ZMIZ1: variants seen among roughly 807,000 people sequenced by gnomAD.
ZMIZ1 encodes zinc finger MIZ-type containing 1.
ZMIZ1 carries 17 observed loss-of-function variants against 113.9 expected under a neutral mutation model. The observed-to-expected ratio is 0.15, with a 90% CI of 0.10 to 0.22. The LOEUF is 0.22. Among genes scored for constraint, ZMIZ1 ranks in the 10% least tolerant of loss-of-function variants. ZMIZ1 has a pLI of 1.00. For missense variants in ZMIZ1, 1,059 were observed against 1,477.8 expected (o/e 0.72, Z 4.65); for synonymous variants, 607 against 603.1 (o/e 1.01, Z -0.09).
At chr10:79,071,562 C>A (rs1842288166) in intron 1 of ZMIZ1, among the ~76,000 whole-genome samples, 1 of 152,138 alleles carries the variant, frequency 6.6e-6, no homozygotes, top group South Asian at 2.1e-4. Context: ...TCTTTCTTAG[C>A]CTTCTCAGCC....
At position 79,277,250 on chromosome 10, in the gene ZMIZ1, G is replaced by T. The variant is rs1376829170; in HGVS notation, c.350G>T (p.Ser117Ile). Reference protein sequence around the residue: ...LLLRHQKSRQSDPPGKLPMQP... With the variant: ...LLLRHQKSRQIDPPGKLPMQP... ...CTCCGACATCAGAAGAGCCGCCAGA[G>T]CGATCCCCCTGGGAAACTCCCCATG... Residue 117 changes from serine (S) to isoleucine (I), a missense_variant, in exon 8 of 25, where the codon AGC becomes ATC. Physicochemically the swap from Ser to Ile is moderately radical, Grantham distance 142 (BLOSUM62 -2). Around this residue, in one of 6 missense-constraint regions of ZMIZ1, gnomAD observed 272 missense variants for 350.4 expected, o/e 0.78. Coordinates refer to ENST00000334512, the MANE Select transcript of ZMIZ1 (RefSeq NM_020338.4). The T allele has an allele frequency of 1.5e-5, 24 of 1,591,602 alleles. No homozygotes were observed. The highest frequency in any genetic ancestry group is 2.1e-5 in the Non-Finnish European group (24 of 1,169,468).
At chr10:79,180,219 G>A (rs1266303093) in intron 4 of ZMIZ1, among the ~76,000 whole-genome samples, 1 of 152,164 alleles carries the variant, frequency 6.6e-6, no homozygotes, top group Non-Finnish European at 1.5e-5. Context: ...GCCCCGAGGT[G>A]CCAGGCTGTG....
At position 79,068,978 on chromosome 10, in the gene ZMIZ1, C is replaced by A. The variant is rs893614909; in HGVS notation, c.-629C>A. On this transcript the variant is annotated 5_prime_UTR_variant, in exon 1 of 25. Coordinates refer to ENST00000334512, the MANE Select transcript of ZMIZ1 (RefSeq NM_020338.4). ...GGCGAGTTGATTCACTTACTCACCC[C>A]CTAACGCCGAGTTCCTTTTCACTGT... is the stretch of plus-strand genomic sequence containing the variant. The A allele has an allele frequency of 2.6e-5, 4 of 151,830 alleles. No homozygotes were observed. The highest frequency in any genetic ancestry group is 7.3e-5 in the African/African-American group (3 of 41,248). The allele number at this position is 151,830 out of a possible 1,614,324, so 9.4% of individuals were successfully genotyped here.
intron 3 of ZMIZ1, among the ~76,000 whole-genome samples, chr10:79,157,819 G>A (rs1487352082): frequency 1.3e-5 from 2 of 152,200 alleles, no homozygotes; most frequent in East Asian, 1.9e-4. Context: ...CGCCAGGGGA[G>A]GACAGGGGCC....
intron 7 of ZMIZ1, among the ~76,000 whole-genome samples, chr10:79,223,588 G>A (rs1049701736): frequency 1.3e-5 from 2 of 152,232 alleles, no homozygotes; most frequent in African/African-American, 2.4e-5. Context: ...ACCTGTTCAC[G>A]CGCTCACCTC....
rs145870948 is a variant in ZMIZ1 at position 79,129,137 on chromosome 10, T to C, written c.-227+10113T>C. On this transcript the variant is annotated intron_variant, in intron 2 of 24. Coordinates refer to ENST00000334512, the MANE Select transcript of ZMIZ1 (RefSeq NM_020338.4). ...ATGCTGTGCCGGATGCTAAGCACTT[T>C]AAGTACATTATTTAATGTCACTCTC... Among the ~76,000 whole-genome samples, 1,002 of 152,262 alleles carry C rather than the reference T, an allele frequency of 6.6e-3. 7 individuals carry two copies. Among genetic ancestry groups the C allele is most frequent in the South Asian group, 0.026 (123 of 4,818 alleles).
intron 8 of ZMIZ1, among the ~76,000 whole-genome samples, chr10:79,281,109 G>A (rs550849152): frequency 7.2e-5 from 11 of 152,284 alleles, no homozygotes; most frequent in Non-Finnish European, 1.0e-4. Context: ...CTGCTTGACC[G>A]TGATTGTTCA....
chr10:79,132,426 T>C (rs1844812085), intron 2 of ZMIZ1, among the ~76,000 whole-genome samples: 8 of 152,188 alleles, frequency 5.3e-5, no homozygotes, highest in Admixed American at 3.3e-4. Flanking sequence ...GCCTGCAGCA[T>C]ACCACACAAG....
chr10:79,077,049 G>A (rs1250002406), intron 1 of ZMIZ1, among the ~76,000 whole-genome samples: 1 of 152,182 alleles, frequency 6.6e-6, no homozygotes, highest in African/African-American at 2.4e-5. Context: ...TGGGGAAGCA[G>A]GGAGGTGGCC....
rs1289536673 is a variant in ZMIZ1 at position 79,069,693 on chromosome 10, A to C, written c.-337+423A>C. On this transcript the variant is annotated intron_variant, in intron 1 of 24. Coordinates refer to ENST00000334512, the MANE Select transcript of ZMIZ1 (RefSeq NM_020338.4). The surrounding 1 kb of genome is among the most constrained non-coding windows in gnomAD (Gnocchi z 4.6). ...CTTCGCCTCCTCTGGGGAGATGCGA[A>C]GTTGTGCGCCTGTGTGTGTACAGGA... Among the ~76,000 whole-genome samples, 1 of 152,130 alleles carries C rather than the reference A, an allele frequency of 6.6e-6. No individual in the cohort carries two copies. The highest frequency in any genetic ancestry group is 2.4e-5 in the African/African-American group (1 of 41,432).
intron 2 of ZMIZ1, among the ~76,000 whole-genome samples, chr10:79,125,157 C>A (rs1025300576): frequency 6.6e-6 from 1 of 152,152 alleles, no homozygotes; most frequent in African/African-American, 2.4e-5. Flanking sequence ...AAGGGAAAGC[C>A]AGTCTTCTCA....
At chr10:79,292,394 G>A in intron 11 of ZMIZ1, 38 bp downstream of exon 11, 2 of 1,583,440 alleles carry the variant, frequency 1.3e-6, no homozygotes, top group Non-Finnish European at 1.7e-6. Context: ...GCCTTGCCCA[G>A]CCAGCCAGGC....
chr10:79,302,335 G>A (rs985315293), intron 18 of ZMIZ1, 123 bp downstream of exon 18: 2 of 994,244 alleles, frequency 2.0e-6, no homozygotes, highest in East Asian at 2.6e-5. Flanking sequence ...CACCGGGCCT[G>A]GAGTGTCCCT....
At chr10:79,147,028 G>C (rs12269411) in intron 3 of ZMIZ1, among the ~76,000 whole-genome samples, 1 of 151,884 alleles carries the variant, frequency 6.6e-6, no homozygotes, top group Admixed American at 6.6e-5. Flanking sequence ...GGTTTCTCTC[G>C]CTATTTGTCC....
At chr10:79,168,131 T>G (rs1846435681) in intron 4 of ZMIZ1, among the ~76,000 whole-genome samples, 1 of 152,252 alleles carries the variant, frequency 6.6e-6, no homozygotes. Flanking sequence ...CCCCTTCAGC[T>G]GCACTTGGCT....
intron 7 of ZMIZ1, among the ~76,000 whole-genome samples, chr10:79,246,843 C>G (rs1850234071): frequency 6.6e-6 from 1 of 152,208 alleles, no homozygotes; most frequent in Admixed American, 6.5e-5. Context: ...GGAAGGAAGG[C>G]CAGCCCACTG....
chr10:79,083,693 C>T (rs1029043082), intron 1 of ZMIZ1, among the ~76,000 whole-genome samples: 9 of 152,278 alleles, frequency 5.9e-5, no homozygotes, highest in Non-Finnish European at 1.2e-4. Flanking sequence ...CGGCTTGGAC[C>T]AGAGTGTTCA....
intron 4 of ZMIZ1, among the ~76,000 whole-genome samples, chr10:79,200,276 G>C (rs377339189): frequency 1.3e-5 from 2 of 152,166 alleles, no homozygotes; most frequent in Non-Finnish European, 2.9e-5. Context: ...AACTGGCAGC[G>C]GGCAGTCTTC....
chr10:79,212,769 A>T (rs1490873638), intron 6 of ZMIZ1, among the ~76,000 whole-genome samples: 2 of 150,350 alleles, frequency 1.3e-5, no homozygotes, highest in East Asian at 3.9e-4. Flanking sequence ...AAAAAAAAAA[A>T]GAAAAAAAAA....
Sources: allele counts gnomAD v4.1 joint callset (sites outside exome capture counted in the v4.1 genomes callset), GRCh38; gene constraint gnomAD v4.1.1; regional missense constraint gnomAD v4.1.1; non-coding constraint Gnocchi (gnomAD v3.1); transcripts MANE v1.5; gene names NCBI Gene and HGNC (gene_info 2026-07-23, HGNC 2026-07-21).